The following COL22A1 variants were observed in gnomAD, a reference collection of about 807,000 sequenced individuals.
COL22A1 encodes collagen type XXII alpha 1 chain.
COL22A1 carries 221 observed loss-of-function variants against 248.9 expected under a neutral mutation model. The ratio of observed to expected loss-of-function variants is 0.89; its 90% confidence interval spans 0.80 to 0.99. The LOEUF (loss-of-function observed/expected upper bound fraction) is 0.99. Ranked by LOEUF, COL22A1 falls within the 50% of genes least tolerant of loss-of-function variation. The pLI is 0.00. For missense variants in COL22A1, 2,240 were observed against 2,179.0 expected (o/e 1.03, Z -0.56); for synonymous variants, 891 against 793.4 (o/e 1.12, Z -2.07).
chr8:138,601,076 A>C (rs1488437798), intron 60 of COL22A1, among the ~76,000 whole-genome samples: 2 of 152,082 alleles, frequency 1.3e-5, no homozygotes. Flanking sequence ...ATTAAAGAAG[A>C]GATGCCATTG....
At chr8:138,867,065 G>A (rs183100208) in intron 3 of COL22A1, among the ~76,000 whole-genome samples, 2 of 152,298 alleles carry the variant, frequency 1.3e-5, no homozygotes, top group African/African-American at 4.8e-5. Flanking sequence ...GCAAACTCCT[G>A]TAAAGGGCCC....
At chr8:138,604,636 G>A in intron 59 of COL22A1, 98 bp downstream of exon 59, 1 of 957,438 alleles carries the variant, frequency 1.0e-6, no homozygotes, top group Non-Finnish European at 1.7e-6. Context: ...GAGTGTTAAG[G>A]CAAGTGTGGG....
At chr8:138,875,031 A>G (rs1427488950) in intron 3 of COL22A1, among the ~76,000 whole-genome samples, 1 of 152,048 alleles carries the variant, frequency 6.6e-6, no homozygotes, top group Admixed American at 6.6e-5. Flanking sequence ...GAGTCTCTTC[A>G]CTGAAACCCA....
chr8:138,766,354 C>T (rs11774530), intron 16 of COL22A1, among the ~76,000 whole-genome samples: 14,117 of 151,654 alleles, frequency 0.093, 1,070 homozygotes, highest in East Asian at 0.3. Context: ...GACATGGCTG[C>T]GGGCCTGATG....
chr8:138,833,871 A>T (rs1820236293), intron 4 of COL22A1, among the ~76,000 whole-genome samples: 1 of 152,096 alleles, frequency 6.6e-6, no homozygotes, highest in Non-Finnish European at 1.5e-5. Flanking sequence ...AAGCTACATG[A>T]CCCACAGGAG....
rs776442406 is a variant in COL22A1, at chr8:138,690,819, A to G, written c.2808+2T>C. ...TGCGTATGCCCTCTCCCAATTACTC[A>G]CCACACTTCCTGGAGGGCCACTGGG... On this transcript the variant is annotated splice_donor_variant, in intron 36 of 64. Transcript: ENST00000303045. LOFTEE classifies it high-confidence loss of function. 8 of 1,607,942 alleles carry G rather than the reference A, an allele frequency of 5.0e-6. 1 individual carries two copies. The highest frequency in any genetic ancestry group is 1.3e-5 in the African/African-American group (1 of 74,564).
At position 138,705,208 on chromosome 8, in the gene COL22A1, T is replaced by G. The variant is rs201308422; in HGVS notation, c.2518-1861A>C. 2.4e-3 allele frequency among the ~76,000 whole-genome samples: 358 copies of G among 152,294 alleles called. 1 individual carries two copies. The highest frequency in any genetic ancestry group is 8.4e-3 in the African/African-American group (347 of 41,550). On this transcript the variant is annotated intron_variant, in intron 30 of 64. Coordinates refer to ENST00000303045, the MANE Select transcript of COL22A1 (RefSeq NM_152888.3). The stretch of plus-strand genomic sequence containing the variant: ...ATGGAACCAAGTTGGAAAACACTCT[T>G]CAGGATATTATCCAGGAGAACTTCC...
chr8:138,631,629 C>T (rs565219307), intron 49 of COL22A1, among the ~76,000 whole-genome samples: 1 of 152,286 alleles, frequency 6.6e-6, no homozygotes, highest in South Asian at 2.1e-4. Flanking sequence ...GCTCCAGGCA[C>T]ACTTTTGCTG....
At chr8:138,782,352 G>A (rs188654697) in intron 12 of COL22A1, among the ~76,000 whole-genome samples, 5 of 152,184 alleles carry the variant, frequency 3.3e-5, no homozygotes, top group Non-Finnish European at 1.5e-5. Context: ...TGTGTAGCTC[G>A]GACTACATGC....
intron 16 of COL22A1, among the ~76,000 whole-genome samples, chr8:138,766,691 T>C (rs1010707479): frequency 1.3e-5 from 2 of 150,810 alleles, no homozygotes; most frequent in African/African-American, 4.9e-5. Flanking sequence ...AAGAGAGAGT[T>C]TGAGAGACAC....
At chr8:138,813,516 C>A (rs1818418556) in intron 7 of COL22A1, among the ~76,000 whole-genome samples, 1 of 152,160 alleles carries the variant, frequency 6.6e-6, no homozygotes, top group Non-Finnish European at 1.5e-5. Flanking sequence ...AAATCTCTTT[C>A]CTTTATAAAT....
Position 138,880,315 on chromosome 8 carries a change from T to C in COL22A1, c.92-1999A>G, listed in dbSNP as rs60188245. Among the ~76,000 whole-genome samples the C allele has an allele frequency of 2.7e-3, 412 of 152,324 alleles. 2 individuals carry two copies. Among genetic ancestry groups the C allele is most frequent in the African/African-American group, 9.4e-3 (392 of 41,574 alleles). On this transcript the variant is annotated intron_variant, in intron 2 of 64. Transcript: ENST00000303045. ...TGTTTATAAAATGATATGTATAACA[T>C]AGAATTTCTGGAAAGAAAACCTGTG...
chr8:138,905,578 C>T (rs1814947326), intron 1 of COL22A1, among the ~76,000 whole-genome samples: 1 of 152,204 alleles, frequency 6.6e-6, no homozygotes, highest in African/African-American at 2.4e-5. Context: ...CCCTGGGGGA[C>T]ACACTCCACA....
intron 56 of COL22A1, among the ~76,000 whole-genome samples, chr8:138,613,439 C>A (rs1330134010): frequency 6.6e-6 from 1 of 152,122 alleles, no homozygotes; most frequent in Admixed American, 6.5e-5. Flanking sequence ...AGGAACCAAC[C>A]CTGTTGGTGT....
At chr8:138,762,941 C>T (rs926404220) in intron 16 of COL22A1, among the ~76,000 whole-genome samples, 5 of 152,216 alleles carry the variant, frequency 3.3e-5, no homozygotes, top group Admixed American at 1.3e-4. Context: ...CCACCATCTG[C>T]GCATTCATCT....
chr8:138,629,018 C>T (rs1364854784), intron 50 of COL22A1, among the ~76,000 whole-genome samples: 2 of 62 alleles, frequency 0.032, no homozygotes, highest in East Asian at 0.5. Flanking sequence ...GCCTTGGCTT[C>T]CCAGGATGGG....
chr8:138,702,835 A>G (rs749828484), intron 31 of COL22A1, among the ~76,000 whole-genome samples: 7 of 152,186 alleles, frequency 4.6e-5, no homozygotes, highest in Non-Finnish European at 8.8e-5. Context: ...GACCATAACT[A>G]TGACCACAAT....
intron 7 of COL22A1, 54 bp downstream of exon 7, chr8:138,821,082 G>T: frequency 6.3e-7 from 1 of 1,587,534 alleles, no homozygotes; most frequent in Non-Finnish European, 8.6e-7. Context: ...TAGCTCCCAA[G>T]GCTTCTCCCC....
At chr8:138,879,895 A>G (rs1586950739) in intron 2 of COL22A1, among the ~76,000 whole-genome samples, 1 of 152,248 alleles carries the variant, frequency 6.6e-6, no homozygotes, top group East Asian at 1.9e-4. Flanking sequence ...TTGGAAAGGT[A>G]GAATGGTCTG....
Sources: gnomAD v4.1 joint callset for allele counts (sites outside exome capture counted in the v4.1 genomes callset) on GRCh38, gnomAD v4.1.1 for gene constraint, MANE v1.5 for transcripts, NCBI Gene and HGNC (gene_info 2026-07-23, HGNC 2026-07-21) for gene names.